PDE7B: variants seen among roughly 807,000 people sequenced by gnomAD.
PDE7B encodes the protein 3',5'-cyclic-AMP phosphodiesterase 7B.
In PDE7B, 29 loss-of-function variants were observed where a neutral mutation model predicts 56.2. The ratio of observed to expected loss-of-function variants is 0.52; its 90% CI spans 0.38 to 0.70. The LOEUF is 0.70. PDE7B is among the 30% of genes least tolerant of loss of function. The pLI is 0.00. For synonymous variants in PDE7B, 197 were observed against 196.9 expected (o/e 1.00, Z 0.00); for missense variants, 490 against 565.0 (o/e 0.87, Z 1.35).
chr6:135,957,290 A>G (rs1003205669), intron 2 of PDE7B, among the ~76,000 whole-genome samples: 3 of 152,300 alleles, frequency 2.0e-5, no homozygotes, highest in African/African-American at 7.2e-5. Flanking sequence ...TTCAAAACTA[A>G]TGTTACAAGA....
chr6:136,120,593 C>T (rs572850178), intron 3 of PDE7B, among the ~76,000 whole-genome samples: 90 of 152,262 alleles, frequency 5.9e-4, no homozygotes, highest in Non-Finnish European at 1.1e-3. Flanking sequence ...TGGTAGGTTT[C>T]ATAGCAGAAA....
chr6:135,926,169 C>T (rs947310930), intron 1 of PDE7B, among the ~76,000 whole-genome samples: 5 of 147,470 alleles, frequency 3.4e-5, no homozygotes, highest in Non-Finnish European at 6.0e-5. Context: ...TCACTGCAAG[C>T]TCCGCCTCCT....
chr6:135,905,948 C>G (rs999311739), intron 1 of PDE7B, among the ~76,000 whole-genome samples: 16 of 152,108 alleles, frequency 1.1e-4, no homozygotes, highest in Non-Finnish European at 2.2e-4. Context: ...CTGCGGTGAC[C>G]CTGTAATTTT....
chr6:136,063,092 CT>C (rs2128212852), intron 2 of PDE7B, among the ~76,000 whole-genome samples: 1 of 152,246 alleles, frequency 6.6e-6, no homozygotes, highest in East Asian at 1.9e-4. Context: ...TTTGATCAGG[CT>C]TTTCTGTAAA....
chr6:135,965,058 T>G (rs531460224), intron 2 of PDE7B, among the ~76,000 whole-genome samples: 1 of 152,314 alleles, frequency 6.6e-6, no homozygotes, highest in South Asian at 2.1e-4. Flanking sequence ...GGAGAATCAC[T>G]TGAACCTGGG....
At chr6:136,188,904 C>A (rs926055997) in intron 12 of PDE7B, among the ~76,000 whole-genome samples, 2 of 152,174 alleles carry the variant, frequency 1.3e-5, no homozygotes, top group Non-Finnish European at 2.9e-5. Flanking sequence ...CTTTGCTCCA[C>A]ATCTGCCAGC....
intron 1 of PDE7B, among the ~76,000 whole-genome samples, chr6:135,861,978 C>T (rs1034419929): frequency 6.6e-6 from 1 of 151,806 alleles, no homozygotes; most frequent in African/African-American, 2.4e-5. Context: ...TATCAGCAAC[C>T]TTGCAAAACT....
chr6:135,971,434 G>C (rs992083995), intron 2 of PDE7B, among the ~76,000 whole-genome samples: 2 of 152,160 alleles, frequency 1.3e-5, no homozygotes, highest in African/African-American at 2.4e-5. Context: ...TATAGTAGCG[G>C]GAAAGAGAGA....
chr6:135,998,527 C>A (rs980511892), intron 2 of PDE7B, among the ~76,000 whole-genome samples: 4 of 152,098 alleles, frequency 2.6e-5, no homozygotes, highest in African/African-American at 9.7e-5. Flanking sequence ...GAGGCCGAGG[C>A]GGGCAGATCA....
chr6:135,933,145 A>G (rs1157795217), intron 1 of PDE7B, among the ~76,000 whole-genome samples: 1 of 152,230 alleles, frequency 6.6e-6, no homozygotes, highest in Non-Finnish European at 1.5e-5. Context: ...ACTCACTGTT[A>G]CTAGACTCCA....
At chr6:136,099,504 A>T (rs555524957) in intron 2 of PDE7B, among the ~76,000 whole-genome samples, 77 of 152,200 alleles carry the variant, frequency 5.1e-4, no homozygotes, top group Non-Finnish European at 9.4e-4. Context: ...TGTGGTTTTG[A>T]TTTGCATTTC....
At chr6:136,001,423 A>G (rs1775666278) in intron 2 of PDE7B, among the ~76,000 whole-genome samples, 1 of 152,214 alleles carries the variant, frequency 6.6e-6, no homozygotes, top group African/African-American at 2.4e-5. Context: ...TGAAATTCAA[A>G]CCAAAGGCAA....
At chr6:135,863,799 T>G (rs553326239) in intron 1 of PDE7B, among the ~76,000 whole-genome samples, 1 of 152,098 alleles carries the variant, frequency 6.6e-6, no homozygotes, top group African/African-American at 2.4e-5. Context: ...TTTTATTCTT[T>G]TAGTTTTAAA....
At chr6:136,040,008 A>G (rs73564619) in intron 2 of PDE7B, among the ~76,000 whole-genome samples, 3,275 of 152,278 alleles carry the variant, frequency 0.022, 130 homozygotes, top group African/African-American at 0.072. Context: ...TTTATGTTCT[A>G]TATTAGTGAA....
chr6:135,891,935 C>G (rs529231671), intron 1 of PDE7B, among the ~76,000 whole-genome samples: 76 of 152,204 alleles, frequency 5.0e-4, no homozygotes, highest in Admixed American at 2.9e-3. Context: ...ACCCCTCCCA[C>G]TCCAGTCCAC....
At chr6:136,096,913 C>T (rs867878176) in intron 2 of PDE7B, among the ~76,000 whole-genome samples, 6 of 152,266 alleles carry the variant, frequency 3.9e-5, no homozygotes, top group Middle Eastern at 3.4e-3. Context: ...AGTCACTCAA[C>T]TAAATCCAAT....
chr6:135,851,737 C>G lies in PDE7B; in HGVS notation c.-262C>G, dbSNP rs1436369130. 2.1e-6 allele frequency: 1 copy of G among 465,432 alleles called. No homozygotes were observed. Among genetic ancestry groups the G allele is most frequent in the Non-Finnish European group, 3.8e-6 (1 of 261,222 alleles). 28.8% of individuals were successfully genotyped at this position (465,432 alleles called of 1,614,324 possible). On this transcript the variant is annotated 5_prime_UTR_variant, in exon 1 of 13. Coordinates refer to ENST00000308191, the MANE Select transcript of PDE7B (RefSeq NM_018945.4). ...GCACTGCAGCAGGCTCGGCTCTGTC[C>G]CAGCACTTGTCTGGGAGAAAAGTGG...
chr6:136,008,266 C>T (rs534813580), intron 2 of PDE7B, among the ~76,000 whole-genome samples: 2 of 152,226 alleles, frequency 1.3e-5, no homozygotes, highest in East Asian at 1.9e-4. Context: ...CAAGTCTTTG[C>T]TATTGTGAAT....
chr6:136,112,272 G>A (rs113328050), intron 3 of PDE7B, among the ~76,000 whole-genome samples: 112 of 152,298 alleles, frequency 7.4e-4, no homozygotes, highest in Admixed American at 2.8e-3. Flanking sequence ...GTTTCTAGGC[G>A]TTAAAATGGA....
Sources: gnomAD v4.1 joint callset for allele counts (sites outside exome capture counted in the v4.1 genomes callset) on GRCh38, gnomAD v4.1.1 for gene constraint, MANE v1.5 for transcripts, NCBI Gene and HGNC (gene_info 2026-07-23, HGNC 2026-07-21) for gene names.